Variants in ATP12A observed in about 807,000 individuals in gnomAD.
The protein encoded by ATP12A is potassium-transporting ATPase alpha chain 2.
Under a neutral mutation model 111.2 loss-of-function variants are expected in ATP12A, and 81 were observed. The ratio of observed to expected loss-of-function variants is 0.73; its 90% CI spans 0.61 to 0.88. The LOEUF is 0.88. Among genes scored for constraint, ATP12A ranks in the 40% least tolerant of loss-of-function variants. The probability of loss-of-function intolerance (pLI) is 0.00; values close to 1 mark genes in which losing one functional copy is unlikely to be tolerated. For synonymous variants in ATP12A, 498 were observed against 499.8 expected, an observed-to-expected ratio of 1.00 and a Z score of 0.05; for missense variants, 1,196 against 1,313.1, an observed-to-expected ratio of 0.91 and a Z score of 1.38.
At position 24,688,267 on chromosome 13, in the gene ATP12A, G is replaced by A. The variant is rs1196076639; in HGVS notation, c.229-52G>A. Reference sequence around the variant, plus strand: ...GCCCAACCCCTGAGGGAGGAGGAATGTCTAATTCGTATTTGTTTTGGTTGT... The same window carrying A: ...GCCCAACCCCTGAGGGAGGAGGAATATCTAATTCGTATTTGTTTTGGTTGT... On this transcript the variant is annotated intron_variant, in intron 3 of 22. Coordinates refer to ENST00000381946, the MANE Select transcript of ATP12A (RefSeq NM_001676.7). 3.2e-6 allele frequency: 5 copies of A among 1,556,314 alleles called. No homozygotes were observed. The African/African-American group carries it at 6.8e-5, about 21-fold the overall frequency.
chr13:24,701,948 C>T lies in ATP12A; in HGVS notation c.1895C>T (p.Thr632Ile). The T allele has an allele frequency of 6.2e-7, 1 of 1,614,244 alleles. No homozygotes were observed. Among genetic ancestry groups the T allele is most frequent in the Non-Finnish European group, 8.5e-7 (1 of 1,180,054 alleles). Residue 632 changes from threonine (T) to isoleucine (I), a missense_variant, in exon 14 of 23, where the codon ACT becomes ATT. Physicochemically the swap from Thr to Ile is moderately conservative, Grantham distance 89. Coordinates refer to ENST00000381946, the MANE Select transcript of ATP12A (RefSeq NM_001676.7). ...TCTTTGCTCTAGGTTATTATGGTTACTGGTGATCATCCCATCACAGCCAAA... is the reference window on the plus strand; with the variant it reads ...TCTTTGCTCTAGGTTATTATGGTTATTGGTGATCATCCCATCACAGCCAAA... The part of the protein sequence containing the change: ...RSAGIKVIMV[T>I]GDHPITAKAI...
At chr13:24,709,302 C>CCCCCCCCA in intron 17 of ATP12A, 62 bp from the exon 18 acceptor site, 1 of 1,373,746 alleles carries the variant, frequency 7.3e-7, no homozygotes, top group Non-Finnish European at 9.8e-7. Context: ...CAGCCCCCCT[C>CCCCCCCCA]CCCTACTGTG....
chr13:24,698,841 C>T lies in ATP12A; in HGVS notation c.1696C>T (p.Arg566Cys), dbSNP rs374602919. ...CATGGAGCTGGGCGGGTTGGGCGAG[C>T]GTGTGCTGGGTGAGTGCGGCGGCAG... ...AYMELGGLGE[R>C]VLGFCHLYLP... The change falls in exon 12 of 23, where the codon CGT becomes TGT. Residue 566 changes from arginine (R) to cysteine (C), a missense_variant. By Grantham distance (180) the Arg-to-Cys change is radical (BLOSUM62 -3). Transcript: ENST00000381946. The T allele has an allele frequency of 1.1e-5, 17 of 1,613,644 alleles. No individual in the cohort carries two copies. The highest frequency in any genetic ancestry group is 1.7e-5 in the Admixed American group (1 of 59,994).
intron 3 of ATP12A, among the ~76,000 whole-genome samples, chr13:24,687,720 G>A (rs1173229713): frequency 1.3e-5 from 2 of 152,234 alleles, no homozygotes; most frequent in African/African-American, 4.8e-5. Flanking sequence ...GTAGAAAGGT[G>A]GAAAAGGAGC....
Position 24,688,504 on chromosome 13 carries a change from G to T in ATP12A, c.414G>T (p.Lys138Asn). The change falls in exon 4 of 23, where the codon AAG becomes AAT. Residue 138 changes from lysine (K) to asparagine (N), a missense_variant. By Grantham distance (94) the Lys-to-Asn change is moderately conservative (BLOSUM62 0). This residue lies in a region of ATP12A where 1,126 missense variants were observed against 1,228.5 expected (regional missense o/e 0.92). Coordinates refer to ENST00000381946, the MANE Select transcript of ATP12A (RefSeq NM_001676.7). The stretch of plus-strand genomic sequence containing the variant: ...ATGGGATTCAGTACTCCAGCGACAA[G>T]TCTGCATCCCTGAACAACGTAAGGC... ...IAYGIQYSSD[K>N]SASLNNVYLG... 1 of 1,601,688 alleles carries T rather than the reference G, an allele frequency of 6.2e-7. No individual in the cohort carries two copies. The highest frequency in any genetic ancestry group is 8.5e-7 in the Non-Finnish European group (1 of 1,172,022).
intron 19 of ATP12A, 69 bp downstream of exon 19, chr13:24,709,897 A>G: frequency 6.3e-7 from 1 of 1,586,224 alleles, no homozygotes; most frequent in Non-Finnish European, 8.6e-7. Flanking sequence ...GCGCAGAATT[A>G]CATAGAACCT....
At chr13:24,704,557 G>A (rs1875535054) in intron 14 of ATP12A, 1 of 157,520 alleles carries the variant, frequency 6.3e-6, no homozygotes, top group African/African-American at 2.4e-5. Flanking sequence ...CTATAAACCT[G>A]GACTGCTTTG....
intron 12 of ATP12A, among the ~76,000 whole-genome samples, chr13:24,700,403 T>C (rs1875341587): frequency 6.6e-6 from 1 of 152,186 alleles, no homozygotes; most frequent in Admixed American, 6.5e-5. Flanking sequence ...TCCAGGCAGC[T>C]GAAATGTGTC....
intron 13 of ATP12A, 146 bp from the exon 14 acceptor site, chr13:24,701,789 C>G (rs1875407911): frequency 9.7e-7 from 1 of 1,032,168 alleles, no homozygotes; most frequent in Non-Finnish European, 1.4e-6. Flanking sequence ...CCTCCAAAGA[C>G]AGTTGTCTCG....
Position 24,680,645 on chromosome 13 carries a change from C to T in ATP12A, c.-99C>T. ...TCCACCGCCAACACCTCAGCCACTG[C>T]CACTGCCACAGCCACACGAGGCCCC... On this transcript the variant is annotated 5_prime_UTR_variant, in exon 1 of 23. Transcript: ENST00000381946. 1 of 1,395,580 alleles carries T rather than the reference C, an allele frequency of 7.2e-7. No individual in the cohort carries two copies. Among genetic ancestry groups the T allele is most frequent in the East Asian group, 2.9e-5 (1 of 34,584 alleles). 86.4% of individuals were successfully genotyped at this position (1,395,580 alleles called of 1,614,324 possible).
At chr13:24,700,430 C>A (rs1013351484) in intron 12 of ATP12A, among the ~76,000 whole-genome samples, 8 of 152,162 alleles carry the variant, frequency 5.3e-5, no homozygotes, top group Non-Finnish European at 1.0e-4. Context: ...CTGAGATGTA[C>A]CCTATGCTTG....
At chr13:24,684,905 C>T (rs1329913893) in intron 2 of ATP12A, among the ~76,000 whole-genome samples, 1 of 152,160 alleles carries the variant, frequency 6.6e-6, no homozygotes, top group African/African-American at 2.4e-5. Context: ...GCCCAGGAAG[C>T]GGTTCTAGTG....
chr13:24,683,132 G>T (rs1365791350), intron 2 of ATP12A, among the ~76,000 whole-genome samples: 1 of 151,204 alleles, frequency 6.6e-6, no homozygotes, highest in East Asian at 1.9e-4. Flanking sequence ...AATTTTTGTT[G>T]TTTTTAGTAG....
chr13:24,699,753 C>T (rs1249289237), intron 12 of ATP12A, among the ~76,000 whole-genome samples: 1 of 152,174 alleles, frequency 6.6e-6, no homozygotes, highest in Non-Finnish European at 1.5e-5. Context: ...CTGTTGTCAG[C>T]ACCAGGGCTG....
chr13:24,710,913 C>G lies in ATP12A; in HGVS notation c.2999+20C>G. On this transcript the variant is annotated intron_variant, in intron 21 of 22. Transcript: ENST00000381946. ...GCTTAGGTGAGTTCACCCTCAACAG[C>G]ATGGAGGAAAGAGCCAGCCTCTGCT... is the stretch of plus-strand genomic sequence containing the variant. 6.2e-7 allele frequency: 1 copy of G among 1,601,600 alleles called. No individual in the cohort carries two copies. Among genetic ancestry groups the G allele is most frequent in the Non-Finnish European group, 8.6e-7 (1 of 1,168,872 alleles).
chr13:24,691,031 C>A lies in ATP12A; in HGVS notation c.849C>A (p.Gly283=), dbSNP rs534672872. The A allele has an allele frequency of 1.5e-5, 25 of 1,614,156 alleles. No individual in the cohort carries two copies. The highest frequency in any genetic ancestry group is 3.3e-4 in the Middle Eastern group (2 of 6,062). ...ACACGGGTGACCGCACCATCATTGG[C>A]CATATTGCCTCATTGGCCTCAGGAG... The part of the protein sequence containing the change: ...VINTGDRTII[G]HIASLASGVG... Residue 283 remains glycine, a synonymous_variant, in exon 8 of 23, where the codon GGC becomes GGA. Coordinates refer to ENST00000381946, the MANE Select transcript of ATP12A (RefSeq NM_001676.7).
rs1351152336 is a variant in ATP12A at position 24,696,440 on chromosome 13, C to T, written c.1512+1862C>T. On this transcript the variant is annotated intron_variant, in intron 11 of 22. Transcript: ENST00000381946. ...GGGAGAGGGGGGCCGGGCGCGGTGG[C>T]TCACGCCTGTAATCCCAGCACTTTG... Among the ~76,000 whole-genome samples the T allele has an allele frequency of 7.0e-5, 5 of 71,448 alleles. 2 individuals are homozygous for T. The highest frequency in any genetic ancestry group is 1.5e-4 in the Non-Finnish European group (5 of 33,960). 46.9% of individuals were successfully genotyped at this position (71,448 alleles called of 152,430 possible).
At chr13:24,709,042 G>T (rs1010329372) in intron 17 of ATP12A, among the ~76,000 whole-genome samples, 1 of 152,208 alleles carries the variant, frequency 6.6e-6, no homozygotes, top group African/African-American at 2.4e-5. Flanking sequence ...GAGGTGGGGC[G>T]CAATGATCTG....
chr13:24,707,048 A>G lies in ATP12A; in HGVS notation c.2195A>G (p.Asp732Gly). The G allele has an allele frequency of 1.2e-6, 2 of 1,610,786 alleles. No homozygotes were observed. Among genetic ancestry groups the G allele is most frequent in the Non-Finnish European group, 1.7e-6 (2 of 1,178,194 alleles). ...RQDAVVAVTG[D>G]GVNDSPALKK... ...GATGCTGTTGTTGCTGTGACCGGGG[A>G]TGGAGTTAATGACTCTCCGGCTCTA... Residue 732 changes from aspartate (D) to glycine (G), a missense_variant, in exon 16 of 23, where the codon GAT becomes GGT. Physicochemically the swap from Asp to Gly is moderately conservative, Grantham distance 94. Around this residue, in one of 3 missense-constraint regions of ATP12A, gnomAD observed 1,126 missense variants for 1,228.5 expected, o/e 0.92. Coordinates refer to ENST00000381946, the MANE Select transcript of ATP12A (RefSeq NM_001676.7).
Sources: allele counts gnomAD v4.1 joint callset (sites outside exome capture counted in the v4.1 genomes callset), GRCh38; gene constraint gnomAD v4.1.1; regional missense constraint gnomAD v4.1.1; transcripts MANE v1.5; gene names NCBI Gene and HGNC (gene_info 2026-07-23, HGNC 2026-07-21).